DST: variants seen among roughly 807,000 people sequenced by gnomAD.
The protein encoded by DST is bullous pemphigoid antigen.
In DST, 253 loss-of-function variants were observed where a neutral mutation model predicts 875.2. The ratio of observed to expected loss-of-function variants is 0.29; its 90% CI spans 0.26 to 0.32. The LOEUF (loss-of-function observed/expected upper bound fraction) is 0.32. Ranked by LOEUF, DST falls within the 10% of genes least tolerant of loss-of-function variation. The pLI is 1.00. For synonymous variants in DST, 3,124 were observed against 3,197.1 expected (o/e 0.98, Z 0.77); for missense variants, 8,287 against 9,111.6 (o/e 0.91, Z 3.68).
intron 49 of DST, among the ~76,000 whole-genome samples, chr6:56,591,737 C>G (rs2098276004): frequency 6.6e-6 from 1 of 152,086 alleles, no homozygotes; most frequent in Non-Finnish European, 1.5e-5. Flanking sequence ...CTTTGGGAGG[C>G]TGAGGCAGGT....
Position 56,675,002 on chromosome 6 carries a change from G to A in DST, c.1048-4195C>T, listed in dbSNP as rs568839818. Among the ~76,000 whole-genome samples, 5 of 152,254 alleles carry A rather than the reference G, an allele frequency of 3.3e-5. No individual in the cohort carries two copies. In the East Asian group the frequency reaches 5.8e-4, roughly 18 times the overall value. ...AACCTGGAAGCGTCACACTCCACCT[G>A]ACTTCAAAATATACTACAAATCTAT... is the stretch of plus-strand genomic sequence containing the variant. On this transcript the variant is annotated intron_variant, in intron 9 of 103. Transcript: ENST00000680361.
chr6:56,815,243 A>G (rs942346542), intron 4 of DST, among the ~76,000 whole-genome samples: 8 of 152,246 alleles, frequency 5.3e-5, no homozygotes, highest in African/African-American at 1.9e-4. Context: ...GTATGAATAG[A>G]AAATGGAGCT....
chr6:56,731,755 C>T (rs1470188291), intron 5 of DST, among the ~76,000 whole-genome samples: 2 of 152,108 alleles, frequency 1.3e-5, no homozygotes, highest in African/African-American at 4.8e-5. Context: ...AACAGTGCTG[C>T]AATAAATAAC....
intron 83 of DST, 24 bp downstream of exon 83, chr6:56,493,986 T>C: frequency 6.6e-7 from 1 of 1,514,468 alleles, no homozygotes; most frequent in Non-Finnish European, 8.9e-7. Flanking sequence ...ACACTGATTC[T>C]ATTATATTAA....
chr6:56,736,513 A>G (rs1186890549), intron 4 of DST, among the ~76,000 whole-genome samples: 1 of 152,016 alleles, frequency 6.6e-6, no homozygotes, highest in Non-Finnish European at 1.5e-5. Context: ...CTCCAGGGCT[A>G]CCTCTTTCTC....
At chr6:56,662,806 G>T (rs2099051656) in intron 10 of DST, among the ~76,000 whole-genome samples, 3 of 151,834 alleles carry the variant, frequency 2.0e-5, no homozygotes, top group Non-Finnish European at 4.4e-5. Flanking sequence ...GTTGGGCATG[G>T]GGGCGGGGGG....
intron 2 of DST, among the ~76,000 whole-genome samples, chr6:56,908,098 T>TATATATATATACACACACACAC (rs148958146): frequency 6.6e-6 from 1 of 150,498 alleles, no homozygotes; most frequent in Non-Finnish European, 1.5e-5. Context: ...TATATATATA[T>TATATATATATACACACACACAC]ACACACACAC....
chr6:56,952,674 G>A (rs1822966230), intron 2 of DST, among the ~76,000 whole-genome samples: 1 of 151,942 alleles, frequency 6.6e-6, no homozygotes, highest in Non-Finnish European at 1.5e-5. Flanking sequence ...ACAATTTCTT[G>A]TAATTTCCTC....
intron 10 of DST, among the ~76,000 whole-genome samples, chr6:56,665,822 C>A (rs1412936338): frequency 6.6e-6 from 1 of 152,084 alleles, no homozygotes; most frequent in African/African-American, 2.4e-5. Context: ...TGCACATATA[C>A]CCCTAGAATC....
chr6:56,864,176 T>A (rs1772798031), intron 3 of DST: 1 of 152,242 alleles, frequency 6.6e-6, no homozygotes, highest in Non-Finnish European at 1.5e-5. Flanking sequence ...CATAGAGACC[T>A]TGCCTGAGTT....
In DST at chr6:56,604,402, G is replaced by C. The variant is rs756956908; in HGVS notation, c.10226C>G (p.Ser3409Cys). The C allele has an allele frequency of 1.9e-6, 3 of 1,610,926 alleles. No individual in the cohort carries two copies. In the African/African-American group the frequency reaches 4.0e-5, roughly 21 times the overall value. The change falls in exon 40 of 104, where the codon TCT becomes TGT. Residue 3409 changes from serine (S) to cysteine (C), a missense_variant. Transcript: ENST00000680361. ...VNEASTVPSDSQMSDSSGVSP... is the reference protein window; with the variant it reads ...VNEASTVPSDCQMSDSSGVSP... ...AACTCCAGAAGAGTCACTCATTTGA[G>C]AGTCGCTGGGCACAGTAGATGCCTC...
chr6:56,525,174 T>C (rs2096775340), intron 69 of DST, among the ~76,000 whole-genome samples: 1 of 152,172 alleles, frequency 6.6e-6, no homozygotes, highest in African/African-American at 2.4e-5. Context: ...TACAGAATAA[T>C]TTTCTTGCTG....
chr6:56,954,366 G>A, intron 1 of DST, 41 bp downstream of exon 1: 1 of 1,335,180 alleles, frequency 7.5e-7, no homozygotes. Context: ...CGGCTTAATT[G>A]TTCCTGGTAG....
At chr6:56,481,153 T>C (rs187327714) in intron 90 of DST, among the ~76,000 whole-genome samples, 1 of 152,322 alleles carries the variant, frequency 6.6e-6, no homozygotes, top group Non-Finnish European at 1.5e-5. Flanking sequence ...TAGAGGGTGT[T>C]AATTAACATA....
Position 56,824,849 on chromosome 6 carries a change from G to C in DST, c.625+26548C>G, listed in dbSNP as rs560133168. On this transcript the variant is annotated intron_variant, in intron 4 of 103. Transcript: ENST00000680361. ...GAGAAGTGAGGAGCGTCTCCGCCCC[G>C]CAGCCACCCCGTCCGGGAGGGAGGT... 1.1e-4 allele frequency among the ~76,000 whole-genome samples: 17 copies of C among 151,748 alleles called. No individual in the cohort carries two copies. In the South Asian group the frequency reaches 2.9e-3, roughly 26 times the overall value.
At chr6:56,490,564 TTACAA>T (rs2095702998) in intron 85 of DST, among the ~76,000 whole-genome samples, 11 of 152,150 alleles carry the variant, frequency 7.2e-5, no homozygotes, top group Admixed American at 7.2e-4. Context: ...GATCATCTCA[TTACAA>T]ACCTTCATAT....
chr6:56,552,206 T>C lies in DST; in HGVS notation c.16586A>G (p.Asn5529Ser). The C allele has an allele frequency of 1.2e-6, 2 of 1,612,562 alleles. No homozygotes were observed. The highest frequency in any genetic ancestry group is 1.7e-6 in the Non-Finnish European group (2 of 1,179,240). ...TACCTTGAACATGTTAAGCTGCTGA[T>C]TAATTGTCTCCGTTTCCATACCAAC... ...GPVGMETETI[N>S]QQLNMFKVFQ... Residue 5529 changes from asparagine (N) to serine (S), a missense_variant, in exon 61 of 104, where the codon AAT (asparagine) becomes AGT (serine). Asn to Ser is a conservative substitution (Grantham distance 46). This residue lies in a region of DST where 777 missense variants were observed against 764.8 expected (regional missense o/e 1.02). Transcript: ENST00000680361.
At chr6:56,668,012 G>A (rs59453953) in intron 10 of DST, among the ~76,000 whole-genome samples, 13 of 151,818 alleles carry the variant, frequency 8.6e-5, no homozygotes, top group African/African-American at 2.2e-4. Context: ...GCAATCCTCC[G>A]GCCTCATCCT....
intron 103 of DST, among the ~76,000 whole-genome samples, chr6:56,459,513 A>T (rs957937826): frequency 2.0e-5 from 3 of 152,190 alleles, no homozygotes; most frequent in Non-Finnish European, 4.4e-5. Flanking sequence ...CCTACTTAAA[A>T]CAGGATTCCA....
Sources: gnomAD v4.1 joint callset for allele counts (sites outside exome capture counted in the v4.1 genomes callset) on GRCh38, gnomAD v4.1.1 for gene constraint, gnomAD v4.1.1 regional missense constraint, MANE v1.5 for transcripts, NCBI Gene and HGNC (gene_info 2026-07-23, HGNC 2026-07-21) for gene names.